Variants in FBXO6 observed in about 807,000 individuals in gnomAD.
FBXO6 encodes F-box protein 6.
FBXO6 carries 13 observed loss-of-function variants against 25.0 expected under a neutral mutation model. The ratio of observed to expected loss-of-function variants is 0.52; its 90% CI spans 0.34 to 0.83. The LOEUF (loss-of-function observed/expected upper bound fraction) is 0.83, where lower values mean the gene tolerates loss of function less well. Ranked by LOEUF, FBXO6 falls within the 40% of genes least tolerant of loss-of-function variation. The pLI, the probability that FBXO6 is intolerant of heterozygous loss-of-function variation, is 0.02. For missense variants in FBXO6, 370 were observed against 380.2 expected (o/e 0.97, Z 0.22); for synonymous variants, 138 against 155.3 (o/e 0.89, Z 0.83).
intron 1 of FBXO6, among the ~76,000 whole-genome samples, chr1:11,665,471 G>A (rs1256461337): frequency 6.6e-6 from 1 of 150,836 alleles, no homozygotes; most frequent in African/African-American, 2.4e-5. Context: ...TAGCCAGGAC[G>A]GTCTCGATCT....
rs757349753 is a variant in FBXO6 at position 11,671,340 on chromosome 1, G to A, written c.361G>A (p.Gly121Arg). The change falls in exon 3 of 6, where the codon GGG becomes AGG. Residue 121 changes from glycine to arginine, a missense_variant. Transcript: ENST00000376753. ...WKVESLPGAH[G>R]TDFPDPKVKK... Reference sequence around the variant, plus strand: ...GGTGGAGAGCCTCCCTGGAGCCCACGGGACAGATTTTCCTGACCCCAAAGT... The same window carrying A: ...GGTGGAGAGCCTCCCTGGAGCCCACAGGACAGATTTTCCTGACCCCAAAGT... The A allele has an allele frequency of 1.4e-5, 23 of 1,614,076 alleles. No individual in the cohort carries two copies. Among genetic ancestry groups the A allele is most frequent in the East Asian group, 4.5e-5 (2 of 44,882 alleles).
In FBXO6 at chr1:11,671,267, G is replaced by C. The variant is rs768264246; in HGVS notation, c.288G>C (p.Glu96Asp). Reference sequence around the variant, plus strand: ...CACCTTGGCTTCTGTTCTTCCTAGAGGATATGTTTGCATGGCAAATTGATT... The same window carrying C: ...CACCTTGGCTTCTGTTCTTCCTAGACGATATGTTTGCATGGCAAATTGATT... ...RNLLRNPCAE[E>D]DMFAWQIDFN... The change falls in exon 3 of 6, where the codon GAG (glutamate) becomes GAC (aspartate). Residue 96 changes from glutamate (E) to aspartate (D), a missense_variant and splice_region_variant. Transcript: ENST00000376753. 6.2e-7 allele frequency: 1 copy of C among 1,613,878 alleles called. No homozygotes were observed. The highest frequency in any genetic ancestry group is 8.5e-7 in the Non-Finnish European group (1 of 1,179,882).
chr1:11,671,189 C>G, intron 2 of FBXO6, 77 bp from the exon 3 acceptor site: 2 of 1,570,012 alleles, frequency 1.3e-6, no homozygotes, highest in Non-Finnish European at 1.7e-6. Context: ...CTCCCTCCCG[C>G]CCTCCTGGGA....
intron 1 of FBXO6, among the ~76,000 whole-genome samples, chr1:11,668,274 A>C (rs1001430674): frequency 5.9e-5 from 9 of 152,108 alleles, no homozygotes; most frequent in Non-Finnish European, 1.2e-4. Flanking sequence ...CCTTTTAAAA[A>C]ATGTGTCTCT....
intron 1 of FBXO6, among the ~76,000 whole-genome samples, chr1:11,665,102 T>C (rs1192912746): frequency 6.6e-6 from 1 of 151,762 alleles, no homozygotes; most frequent in Admixed American, 6.6e-5. Context: ...TGGAGTGCAG[T>C]GGCATGATCA....
chr1:11,671,005 G>T (rs1342887321), intron 2 of FBXO6, among the ~76,000 whole-genome samples: 1 of 152,162 alleles, frequency 6.6e-6, no homozygotes, highest in Non-Finnish European at 1.5e-5. Context: ...TTGGAGGGGT[G>T]CTTTGTAGGG....
rs1218403650 is a variant in FBXO6, at chr1:11,671,912, C to T, written c.414-16C>T. 18 of 1,611,828 alleles carry T rather than the reference C, an allele frequency of 1.1e-5. No individual in the cohort carries two copies. Among genetic ancestry groups the T allele is most frequent in the Non-Finnish European group, 1.4e-5 (17 of 1,178,032 alleles). On this transcript the variant is annotated splice_polypyrimidine_tract_variant and intron_variant, in intron 3 of 5. Transcript: ENST00000376753. ...GAGCACACCCAGGTATGCAAGCCCC[C>T]AACTCTGCTCCCCAGAATGTGCCTC...
In FBXO6 at chr1:11,669,617, T is replaced by C. The variant is rs1194384689; in HGVS notation, c.286+673T>C. On this transcript the variant is annotated intron_variant, in intron 2 of 5. Transcript: ENST00000376753. Reference sequence around the variant, plus strand: ...ACACACACACACATATGTATACATATACGTATATACACATGTATACATATA... The same window carrying C: ...ACACACACACACATATGTATACATACACGTATATACACATGTATACATATA... 2.6e-5 allele frequency among the ~76,000 whole-genome samples: 4 copies of C among 151,268 alleles called. No homozygotes were observed. In the East Asian group the frequency reaches 5.9e-4, roughly 22 times the overall value.
intron 1 of FBXO6, among the ~76,000 whole-genome samples, chr1:11,665,234 T>C (rs1640387930): frequency 7.7e-6 from 1 of 129,288 alleles, no homozygotes; most frequent in Non-Finnish European, 1.6e-5. Flanking sequence ...TTTTTTTTTT[T>C]TTTTTTTTGA....
intron 1 of FBXO6, among the ~76,000 whole-genome samples, chr1:11,666,493 T>C (rs1018410060): frequency 6.6e-6 from 1 of 151,854 alleles, no homozygotes; most frequent in African/African-American, 2.4e-5. Flanking sequence ...ACGATTCTCC[T>C]GCCTCAGCCT....
intron 4 of FBXO6, among the ~76,000 whole-genome samples, chr1:11,672,238 C>T (rs1337439542): frequency 1.3e-5 from 2 of 152,212 alleles, no homozygotes; most frequent in Admixed American, 6.5e-5. Context: ...ACAGTAGCCC[C>T]AGTGTGCAGG....
intron 1 of FBXO6, among the ~76,000 whole-genome samples, chr1:11,666,450 C>T (rs1030881505): frequency 2.1e-4 from 31 of 150,738 alleles, no homozygotes; most frequent in African/African-American, 7.6e-4. Context: ...GGTGCAATCT[C>T]GGCTCACCAC....
intron 1 of FBXO6, among the ~76,000 whole-genome samples, chr1:11,666,037 C>CTTTTTT (rs70983580): frequency 4.1e-5 from 4 of 97,368 alleles, no homozygotes; most frequent in Admixed American, 1.2e-4. Context: ...TTTCTTTTCT[C>CTTTTTT]TTTTTTTTTT....
chr1:11,671,502 G>A (rs1640615127), intron 3 of FBXO6, 110 bp downstream of exon 3: 9 of 1,489,274 alleles, frequency 6.0e-6, no homozygotes, highest in Middle Eastern at 1.9e-4. Context: ...TGCGAAGCTC[G>A]AGGGAGGTGG....
chr1:11,665,707 T>C lies in FBXO6; in HGVS notation c.-4+1452T>C, dbSNP rs1214168740. Among the ~76,000 whole-genome samples, 140 of 151,672 alleles carry C rather than the reference T, an allele frequency of 9.2e-4. 1 individual carries two copies. The highest frequency in any genetic ancestry group is 1.6e-3 in the Non-Finnish European group (111 of 67,950). ...TCCCGAGTAGCTGGGACTACAGGCG[T>C]CCGCCACCACGCCCAGCTAATTTTT... On this transcript the variant is annotated intron_variant, in intron 1 of 5. Coordinates refer to ENST00000376753, the MANE Select transcript of FBXO6 (RefSeq NM_018438.6).
At chr1:11,672,191 T>C in intron 4 of FBXO6, 168 bp downstream of exon 4, 1 of 614,490 alleles carries the variant, frequency 1.6e-6, no homozygotes. Context: ...CGGCACCTCC[T>C]GGCCTCCCCA....
At chr1:11,670,724 T>G (rs1040913802) in intron 2 of FBXO6, among the ~76,000 whole-genome samples, 2 of 152,000 alleles carry the variant, frequency 1.3e-5, no homozygotes, top group African/African-American at 4.8e-5. Context: ...CCCAAAGTGC[T>G]GGGATTACAG....
At chr1:11,667,821 G>A (rs186983493) in intron 1 of FBXO6, among the ~76,000 whole-genome samples, 96 of 152,256 alleles carry the variant, frequency 6.3e-4, no homozygotes, top group African/African-American at 2.0e-3. Flanking sequence ...GGCCGGGTAC[G>A]GTGGCTCACG....
chr1:11,672,051 C>T, intron 4 of FBXO6, 28 bp downstream of exon 4: 1 of 1,572,476 alleles, frequency 6.4e-7, no homozygotes, highest in Non-Finnish European at 8.8e-7. Context: ...CCTGTGTCCC[C>T]ACACTCTACA....
Sources: gnomAD v4.1 joint callset for allele counts (sites outside exome capture counted in the v4.1 genomes callset) on GRCh38, gnomAD v4.1.1 for gene constraint, MANE v1.5 for transcripts, NCBI Gene and HGNC (gene_info 2026-07-23, HGNC 2026-07-21) for gene names.